GRM4: variants seen among roughly 807,000 people sequenced by gnomAD.
GRM4 encodes metabotropic glutamate receptor 4.
In GRM4, 28 loss-of-function variants were observed where a neutral mutation model predicts 81.7. The observed-to-expected ratio is 0.34, with a 90% CI of 0.25 to 0.47. The LOEUF is 0.47. Among genes scored for constraint, GRM4 ranks in the 20% least tolerant of loss-of-function variants. The pLI is 1.00. For missense variants in GRM4, 948 were observed against 1,290.0 expected (o/e 0.73, Z 4.06); for synonymous variants, 488 against 528.8 (o/e 0.92, Z 1.06).
At chr6:34,149,568 T>C (rs1771005868), upstream of GRM4, among the ~76,000 whole-genome samples, 2 of 152,176 alleles carry the variant, frequency 1.3e-5, no homozygotes, top group African/African-American at 2.4e-5. Flanking sequence ...CTGGGGTAAG[T>C]TGTCCCTGTC....
chr6:34,031,172 G>A (rs1041933775), intron 9 of GRM4, among the ~76,000 whole-genome samples: 5 of 152,214 alleles, frequency 3.3e-5, no homozygotes, highest in African/African-American at 9.6e-5. Flanking sequence ...CTAAAGGGAG[G>A]TAGAGCGAGA....
chr6:34,054,586 T>A (rs907801678), intron 6 of GRM4: 1 of 151,956 alleles, frequency 6.6e-6, no homozygotes, highest in African/African-American at 2.4e-5. Flanking sequence ...GGACTAGGAG[T>A]CTGGACAGAG....
rs1766380548 is a variant in GRM4, at chr6:34,064,978, C to T, written c.737-2950G>A. On this transcript the variant is annotated intron_variant, in intron 3 of 10. Coordinates refer to ENST00000538487, the MANE Select transcript of GRM4 (RefSeq NM_000841.4). This position sits in a 1 kb window ranked among gnomAD's most constrained non-coding sequence, Gnocchi z 4.4. ...CCAGAGCCTCCCTGAGGCGGAGAGGCCCCCATTTCCTGCAGCCGCTCCTGG... is the reference window on the plus strand; with the variant it reads ...CCAGAGCCTCCCTGAGGCGGAGAGGTCCCCATTTCCTGCAGCCGCTCCTGG... Among the ~76,000 whole-genome samples, 1 of 152,146 alleles carries T rather than the reference C, an allele frequency of 6.6e-6. No homozygotes were observed. The highest frequency in any genetic ancestry group is 1.5e-5 in the Non-Finnish European group (1 of 68,004).
chr6:34,025,297 A>G (rs2127434323), intron 10 of GRM4, among the ~76,000 whole-genome samples: 1 of 152,220 alleles, frequency 6.6e-6, no homozygotes, highest in Non-Finnish European at 1.5e-5. Context: ...GTGAGAATCA[A>G]TTCCCCAGAG....
intron 2 of GRM4, among the ~76,000 whole-genome samples, chr6:34,128,379 C>CTTTTTTTTTTTTTTTTTT (rs547672333): frequency 7.5e-6 from 1 of 132,806 alleles, no homozygotes. Flanking sequence ...TTTTTCTTTT[C>CTTTTTTTTTTTTTTTTTT]TTTTTTTTTT....
Position 34,078,211 on chromosome 6 carries a change from C to G in GRM4, c.736+13672G>C, listed in dbSNP as rs757177841. On this transcript the variant is annotated intron_variant, in intron 3 of 10. Transcript: ENST00000538487. This position sits in a 1 kb window ranked among gnomAD's most constrained non-coding sequence, Gnocchi z 4.8. ...GTCCGGAAGGCTCCCGGACCCATCT[C>G]CAGCTCCTGTTCCTCTGCGCTTCCT... Among the ~76,000 whole-genome samples the G allele has an allele frequency of 6.6e-6, 1 of 152,190 alleles. No homozygotes were observed. Among genetic ancestry groups the G allele is most frequent in the Non-Finnish European group, 1.5e-5 (1 of 68,024 alleles).
At position 34,022,645 on chromosome 6, in the gene GRM4, G is replaced by A; in HGVS notation, c.*176C>T. The A allele has an allele frequency of 3.2e-6, 2 of 622,360 alleles. No homozygotes were observed. Among genetic ancestry groups the A allele is most frequent in the Non-Finnish European group, 5.8e-6 (2 of 345,994 alleles). The allele number at this position is 622,360 out of a possible 1,614,324, so 38.6% of individuals were successfully genotyped here. A position where few individuals can be genotyped will look rare whatever the true frequency, so the allele number is the denominator to read the frequency against. ...CCCCTCGTCCTCCTGTTGCTCACCC[G>A]GTTTGCCCAGGCTGCCAGCAGTGAT... On this transcript the variant is annotated 3_prime_UTR_variant, in exon 11 of 11. Coordinates refer to ENST00000538487, the MANE Select transcript of GRM4 (RefSeq NM_000841.4). The surrounding 1 kb of genome is among the most constrained non-coding windows in gnomAD (Gnocchi z 5.6).
chr6:34,066,618 C>T (rs764945150), intron 3 of GRM4, among the ~76,000 whole-genome samples: 31 of 151,948 alleles, frequency 2.0e-4, no homozygotes, highest in Non-Finnish European at 3.5e-4. Flanking sequence ...CTCAAGTGTT[C>T]GCTGAGTGAC....
chr6:34,097,328 C>G (rs1768578565), intron 2 of GRM4, among the ~76,000 whole-genome samples: 1 of 151,724 alleles, frequency 6.6e-6, no homozygotes, highest in African/African-American at 2.4e-5. Context: ...AGTGCAAAGG[C>G]CATGTGTGCA....
chr6:34,031,009 C>A (rs1764386057), intron 9 of GRM4, among the ~76,000 whole-genome samples: 1 of 152,200 alleles, frequency 6.6e-6, no homozygotes, highest in African/African-American at 2.4e-5. Context: ...TGGGAGCCTG[C>A]CTCTGGGTCA....
intron 1 of GRM4, among the ~76,000 whole-genome samples, chr6:34,144,235 T>G (rs1770822360): frequency 6.6e-6 from 1 of 152,146 alleles, no homozygotes; most frequent in Non-Finnish European, 1.5e-5. Context: ...ACCGCCCTGG[T>G]GCGGGGGCGC....
intron 1 of GRM4, among the ~76,000 whole-genome samples, chr6:34,143,147 G>A (rs1010249142): frequency 6.6e-6 from 1 of 152,204 alleles, no homozygotes; most frequent in East Asian, 1.9e-4. Flanking sequence ...GTCCCTGACA[G>A]GTGTGAAGGT....
At chr6:34,112,538 CTCTG>C (rs1474693192) in intron 2 of GRM4, among the ~76,000 whole-genome samples, 1 of 152,176 alleles carries the variant, frequency 6.6e-6, no homozygotes, top group Non-Finnish European at 1.5e-5. Flanking sequence ...TCACCAGTTT[CTCTG>C]TGGGGGAGAG....
intron 2 of GRM4, among the ~76,000 whole-genome samples, chr6:34,099,233 G>A (rs953890589): frequency 3.3e-5 from 5 of 152,320 alleles, no homozygotes; most frequent in South Asian, 4.1e-4. Flanking sequence ...CAAGGAGAGC[G>A]GGACTTTCCT....
chr6:34,126,868 G>A (rs2127507630), intron 2 of GRM4, among the ~76,000 whole-genome samples: 1 of 152,342 alleles, frequency 6.6e-6, no homozygotes, highest in Non-Finnish European at 1.5e-5. Flanking sequence ...GCGGGGGCCA[G>A]CTCTGTCTCT....
intron 6 of GRM4, among the ~76,000 whole-genome samples, chr6:34,052,117 T>C (rs2127455970): frequency 6.6e-6 from 1 of 152,320 alleles, no homozygotes; most frequent in South Asian, 2.1e-4. Flanking sequence ...GCCCAGGCAC[T>C]TGGCAGGCTG....
At chr6:34,116,821 T>C (rs1268013374) in intron 2 of GRM4, among the ~76,000 whole-genome samples, 1 of 152,068 alleles carries the variant, frequency 6.6e-6, no homozygotes, top group African/African-American at 2.4e-5. Flanking sequence ...AATGATACAA[T>C]GAAAGAGTAC....
At chr6:34,084,620 C>T (rs1767790666) in intron 3 of GRM4, among the ~76,000 whole-genome samples, 2 of 152,174 alleles carry the variant, frequency 1.3e-5, no homozygotes, top group Non-Finnish European at 1.5e-5. Flanking sequence ...GACCCCAGCA[C>T]GACCCCAAGT....
chr6:34,040,778 T>C (rs777678155), intron 6 of GRM4, 30 bp from the exon 7 acceptor site: 1 of 1,574,922 alleles, frequency 6.3e-7, no homozygotes, highest in Non-Finnish European at 8.7e-7. Context: ...ACAGGGACAC[T>C]CGTGAGGCCC....
Sources: allele counts gnomAD v4.1 joint callset (sites outside exome capture counted in the v4.1 genomes callset), GRCh38; gene constraint gnomAD v4.1.1; non-coding constraint Gnocchi (gnomAD v3.1); transcripts MANE v1.5; gene names NCBI Gene and HGNC (gene_info 2026-07-23, HGNC 2026-07-21).